Variants in PCBP3 observed in about 807,000 individuals in gnomAD.
PCBP3 encodes poly(rC)-binding protein 3.
A neutral mutation model predicts 52.7 loss-of-function variants in PCBP3; 25 were observed. That is an observed-to-expected ratio of 0.47 (90% CI 0.35 to 0.66). The LOEUF (loss-of-function observed/expected upper bound fraction) is 0.66, where lower values mean the gene tolerates loss of function less well. Among genes scored for constraint, PCBP3 ranks in the 30% least tolerant of loss-of-function variants. PCBP3 has a pLI of 0.01. For missense variants in PCBP3, 391 were observed against 490.3 expected (o/e 0.80, Z 1.91); for synonymous variants, 162 against 183.0 (o/e 0.89, Z 0.93).
chr21:45,831,695 G>A (rs2093454034), intron 4 of PCBP3, among the ~76,000 whole-genome samples: 1 of 148,258 alleles, frequency 6.7e-6, no homozygotes, highest in Admixed American at 6.7e-5. Flanking sequence ...AGTCCATAAA[G>A]TGAAAGCAAG....
chr21:45,664,028 T>C (rs73232708), intron 1 of PCBP3, among the ~76,000 whole-genome samples: 10 of 149,220 alleles, frequency 6.7e-5, no homozygotes, highest in African/African-American at 2.5e-4. Context: ...TTCTTTTTTT[T>C]TTTTTAACTG....
chr21:45,819,312 G>C (rs1200778819), intron 4 of PCBP3, among the ~76,000 whole-genome samples: 1 of 152,234 alleles, frequency 6.6e-6, no homozygotes, highest in Non-Finnish European at 1.5e-5. Flanking sequence ...CCTAAACAAA[G>C]CAGTCGGAGT....
In PCBP3 at chr21:45,917,638, T is replaced by TAA. The variant is rs1042632405; in HGVS notation, c.717+9_717+10insAA. 1 of 1,608,382 alleles carries TAA rather than the reference T, an allele frequency of 6.2e-7. No individual in the cohort carries two copies. The highest frequency in any genetic ancestry group is 8.5e-7 in the Non-Finnish European group (1 of 1,174,948). On this transcript the variant is annotated intron_variant, in intron 13 of 17. Transcript: ENST00000681687. This position sits in a 1 kb window ranked among gnomAD's most constrained non-coding sequence, Gnocchi z 5.3. ...CCATCCCTCACCCGGATGTGAGTCT[T>TAA]CACTTTGTCTTCCTCTCACCTTTCT...
At chr21:45,860,616 G>A (rs2094472425) in intron 5 of PCBP3, among the ~76,000 whole-genome samples, 1 of 152,218 alleles carries the variant, frequency 6.6e-6, no homozygotes, top group East Asian at 1.9e-4. Context: ...TCGCCCTGGA[G>A]GGACACCGAA....
At chr21:45,888,274 C>A (rs1430330002) in intron 5 of PCBP3, among the ~76,000 whole-genome samples, 1 of 152,234 alleles carries the variant, frequency 6.6e-6, no homozygotes, top group African/African-American at 2.4e-5. Flanking sequence ...TGTTTTTCTT[C>A]AAGGATAGCA....
intron 2 of PCBP3, among the ~76,000 whole-genome samples, chr21:45,707,511 G>A (rs999788906): frequency 3.9e-5 from 6 of 152,044 alleles, no homozygotes; most frequent in Non-Finnish European, 5.9e-5. Context: ...GTGAGACTCC[G>A]TCTCAAAAAT....
In PCBP3 at chr21:45,733,684, T is replaced by A. The variant is rs560650301; in HGVS notation, c.-199-1708T>A. On this transcript the variant is annotated intron_variant, in intron 2 of 17. Coordinates refer to ENST00000681687, the MANE Select transcript of PCBP3 (RefSeq NM_001384156.1). The stretch of plus-strand genomic sequence containing the variant: ...GGTGCGATCTTGGCTCACTGAAGCC[T>A]CTACTTCCTGGGTTTAAGCAATTCT... Among the ~76,000 whole-genome samples, 4 of 152,252 alleles carry A rather than the reference T, an allele frequency of 2.6e-5. No individual in the cohort carries two copies. In the East Asian group the frequency reaches 5.8e-4, roughly 22 times the overall value.
At chr21:45,658,754 T>C (rs527416841) in intron 1 of PCBP3, among the ~76,000 whole-genome samples, 2 of 152,350 alleles carry the variant, frequency 1.3e-5, no homozygotes, top group East Asian at 3.9e-4. Flanking sequence ...TTGGTGTTCA[T>C]TCTTTAAATG....
At chr21:45,876,473 C>T (rs1353209519) in intron 5 of PCBP3, among the ~76,000 whole-genome samples, 1 of 152,152 alleles carries the variant, frequency 6.6e-6, no homozygotes, top group African/African-American at 2.4e-5. Context: ...CCACTGGCAC[C>T]TTTGTCTGCC....
rs746418979 is a variant in PCBP3 at position 45,927,777 on chromosome 21, C to CT, written c.718-2137dup. Among the ~76,000 whole-genome samples the CT allele has an allele frequency of 4.6e-5, 7 of 152,298 alleles. No homozygotes were observed. The East Asian group carries it at 7.8e-4, about 17-fold the overall frequency. On this transcript the variant is annotated intron_variant, in intron 13 of 17. Transcript: ENST00000681687. ...CTGCTCACTCACATCCATTCCCCCACTTTATAGTCAAGGAACTGAGGCCTG... is the reference window on the plus strand; with the variant it reads ...CTGCTCACTCACATCCATTCCCCCACTTTTATAGTCAAGGAACTGAGGCCTG...
chr21:45,851,347 T>C (rs968970715), intron 5 of PCBP3, among the ~76,000 whole-genome samples: 5 of 152,210 alleles, frequency 3.3e-5, no homozygotes, highest in Non-Finnish European at 7.3e-5. Flanking sequence ...ACCCTGTCTC[T>C]ACTAAAATAC....
At chr21:45,894,988 A>G (rs1203631532) in intron 5 of PCBP3, among the ~76,000 whole-genome samples, 1 of 152,220 alleles carries the variant, frequency 6.6e-6, no homozygotes, top group Non-Finnish European at 1.5e-5. Context: ...GAGTGTGTTG[A>G]TGAAGTGACC....
chr21:45,740,178 C>G (rs537540479), intron 3 of PCBP3, among the ~76,000 whole-genome samples: 1 of 152,332 alleles, frequency 6.6e-6, no homozygotes, highest in African/African-American at 2.4e-5. Flanking sequence ...GTCGCGTTTC[C>G]TCCCTTGGCC....
chr21:45,878,963 C>T (rs149936580), intron 5 of PCBP3, among the ~76,000 whole-genome samples: 183 of 152,230 alleles, frequency 1.2e-3, no homozygotes, highest in African/African-American at 3.9e-3. Flanking sequence ...AGGAACTCTA[C>T]GCAGGGAAAG....
intron 5 of PCBP3, among the ~76,000 whole-genome samples, chr21:45,866,848 A>G (rs1381651478): frequency 1.3e-5 from 2 of 151,346 alleles, no homozygotes; most frequent in Non-Finnish European, 2.9e-5. Context: ...GTGCACCGTC[A>G]CGGAGATGCG....
intron 4 of PCBP3, among the ~76,000 whole-genome samples, chr21:45,792,303 G>A (rs544569614): frequency 6.6e-6 from 1 of 152,264 alleles, no homozygotes. Flanking sequence ...GCCTTGGGAT[G>A]CCAGGAGGGG....
intron 5 of PCBP3, among the ~76,000 whole-genome samples, chr21:45,879,836 T>C (rs952727541): frequency 6.6e-6 from 1 of 151,830 alleles, no homozygotes; most frequent in African/African-American, 2.4e-5. Flanking sequence ...CATGACAGCA[T>C]CCATTAGAAA....
intron 12 of PCBP3, chr21:45,916,891 G>A (rs926326390): frequency 6.6e-6 from 1 of 152,290 alleles, no homozygotes; most frequent in African/African-American, 2.4e-5. Flanking sequence ...GGGCAGGTGG[G>A]GCCTCTCTCA....
chr21:45,664,694 C>T (rs562649069), intron 1 of PCBP3, among the ~76,000 whole-genome samples: 1 of 150,408 alleles, frequency 6.6e-6, no homozygotes, highest in Admixed American at 6.6e-5. Flanking sequence ...TATACATGTG[C>T]CATGCTGGTG....
Sources: allele counts gnomAD v4.1 joint callset (sites outside exome capture counted in the v4.1 genomes callset), GRCh38; gene constraint gnomAD v4.1.1; non-coding constraint Gnocchi (gnomAD v3.1); transcripts MANE v1.5; gene names NCBI Gene and HGNC (gene_info 2026-07-23, HGNC 2026-07-21).